Variants in PCDH9 observed in about 807,000 individuals in gnomAD.
PCDH9 encodes the protein protocadherin 9.
In PCDH9, 24 loss-of-function variants were observed where a neutral mutation model predicts 70.6. That is an observed-to-expected ratio of 0.34 (90% CI 0.25 to 0.48). The LOEUF (loss-of-function observed/expected upper bound fraction) is 0.48. Among genes scored for constraint, PCDH9 ranks in the 20% least tolerant of loss-of-function variants. The probability of loss-of-function intolerance (pLI) is 0.99; values close to 1 mark genes in which losing one functional copy is unlikely to be tolerated. For missense variants in PCDH9, 1,281 were observed against 1,503.6 expected (o/e 0.85, Z 2.45); for synonymous variants, 562 against 558.5 (o/e 1.01, Z -0.09).
chr13:66,491,390 T>TGTGG (rs1959030535), intron 4 of PCDH9, among the ~76,000 whole-genome samples: 1 of 149,896 alleles, frequency 6.7e-6, no homozygotes, highest in Non-Finnish European at 1.5e-5. Flanking sequence ...AGATATTGTG[T>TGTGG]GTGTGTGTGT....
intron 3 of PCDH9, among the ~76,000 whole-genome samples, chr13:66,700,933 T>TAC (rs1390563564): frequency 4.6e-5 from 4 of 86,404 alleles, no homozygotes; most frequent in African/African-American, 2.0e-4. Flanking sequence ...AATATATATA[T>TAC]ATATATATAT....
chr13:66,362,902 C>T (rs1464085693), intron 4 of PCDH9, among the ~76,000 whole-genome samples: 2 of 152,096 alleles, frequency 1.3e-5, no homozygotes, highest in Non-Finnish European at 2.9e-5. Context: ...AAACACAGGC[C>T]AGGCACGGTG....
At chr13:66,947,584 G>A (rs1042355123) in intron 2 of PCDH9, among the ~76,000 whole-genome samples, 1 of 152,236 alleles carries the variant, frequency 6.6e-6, no homozygotes, top group African/African-American at 2.4e-5. Context: ...AGATGGGGGT[G>A]TGGGTAGAAA....
At chr13:66,443,432 C>A (rs532265936) in intron 4 of PCDH9, among the ~76,000 whole-genome samples, 11 of 152,122 alleles carry the variant, frequency 7.2e-5, no homozygotes, top group African/African-American at 2.6e-4. Flanking sequence ...TAAATTGTTT[C>A]TATGTTACTG....
chr13:66,437,834 A>C (rs1447967711), intron 4 of PCDH9, among the ~76,000 whole-genome samples: 1 of 152,194 alleles, frequency 6.6e-6, no homozygotes, highest in African/African-American at 2.4e-5. Context: ...GTTGACTAAA[A>C]GACATGTACT....
At chr13:66,434,443 G>A (rs543643735) in intron 4 of PCDH9, among the ~76,000 whole-genome samples, 28 of 152,064 alleles carry the variant, frequency 1.8e-4, no homozygotes, top group Non-Finnish European at 2.9e-4. Context: ...TACATATCAC[G>A]TATTCATTTG....
intron 3 of PCDH9, among the ~76,000 whole-genome samples, chr13:66,765,761 C>T (rs966444253): frequency 2.6e-5 from 4 of 152,026 alleles, no homozygotes; most frequent in African/African-American, 9.7e-5. Flanking sequence ...TTTACTTTCA[C>T]TCAGATATGT....
At chr13:67,050,963 A>G (rs556212866) in intron 2 of PCDH9, among the ~76,000 whole-genome samples, 1 of 152,346 alleles carries the variant, frequency 6.6e-6, no homozygotes, top group East Asian at 1.9e-4. Flanking sequence ...AATAAAAAAT[A>G]CAACTAAAAG....
chr13:67,217,157 A>G (rs1442913306), intron 2 of PCDH9: 1 of 152,068 alleles, frequency 6.6e-6, no homozygotes, highest in Non-Finnish European at 1.5e-5. Context: ...GAAAATGTCT[A>G]CTATAGAACT....
intron 2 of PCDH9, among the ~76,000 whole-genome samples, chr13:66,938,295 A>G (rs1358154801): frequency 6.6e-6 from 1 of 152,258 alleles, no homozygotes; most frequent in Non-Finnish European, 1.5e-5. Context: ...AATTTAATAG[A>G]ATAATTTCCT....
intron 2 of PCDH9, chr13:66,985,871 T>A (rs1198934134): frequency 6.6e-6 from 1 of 152,076 alleles, no homozygotes; most frequent in East Asian, 1.9e-4. Context: ...GAAAAAAATG[T>A]GCAGAAAAAT....
At position 67,091,787 on chromosome 13, in the gene PCDH9, G is replaced by A. The variant is rs1594499268; in HGVS notation, c.3036+133618C>T. On this transcript the variant is annotated intron_variant, in intron 2 of 4. Transcript: ENST00000377865. ...GTAATTTACTGTTAATAGTTCCTCG[G>A]TCATGTCATAGACACTTACAATTTC... 3.3e-5 allele frequency among the ~76,000 whole-genome samples: 5 copies of A among 152,140 alleles called. No individual in the cohort carries two copies. The South Asian group carries it at 1.0e-3, about 32-fold the overall frequency.
At chr13:66,761,653 G>A (rs2079629529) in intron 3 of PCDH9, among the ~76,000 whole-genome samples, 1 of 151,856 alleles carries the variant, frequency 6.6e-6, no homozygotes, top group African/African-American at 2.4e-5. Context: ...TTCATTCCAA[G>A]TATTGTATTT....
chr13:66,549,009 TA>T (rs1961345506), intron 4 of PCDH9, among the ~76,000 whole-genome samples: 1 of 152,122 alleles, frequency 6.6e-6, no homozygotes, highest in Admixed American at 6.5e-5. Context: ...AGGAAAACCA[TA>T]CCACCATAAG....
chr13:66,958,687 C>A (rs2139719469), intron 2 of PCDH9, among the ~76,000 whole-genome samples: 1 of 151,844 alleles, frequency 6.6e-6, no homozygotes, highest in Middle Eastern at 3.4e-3. Context: ...TTATTTTTTT[C>A]ATGAAATGAG....
At chr13:67,059,349 T>C (rs2085487041) in intron 2 of PCDH9, among the ~76,000 whole-genome samples, 2 of 130,840 alleles carry the variant, frequency 1.5e-5, no homozygotes, top group Non-Finnish European at 1.6e-5. Context: ...AATATATATA[T>C]ATATTATATA....
chr13:67,035,814 C>A (rs936654948), intron 2 of PCDH9, among the ~76,000 whole-genome samples: 6 of 152,036 alleles, frequency 3.9e-5, no homozygotes, highest in African/African-American at 9.7e-5. Flanking sequence ...GATGAGAATT[C>A]ATCTTTACAA....
At chr13:66,554,007 G>C (rs1379283869) in intron 4 of PCDH9, among the ~76,000 whole-genome samples, 1 of 151,906 alleles carries the variant, frequency 6.6e-6, no homozygotes, top group Non-Finnish European at 1.5e-5. Flanking sequence ...GTTCTAAATT[G>C]CTCCTTATAT....
At chr13:66,681,016 T>G (rs772974165) in intron 3 of PCDH9, among the ~76,000 whole-genome samples, 11 of 152,162 alleles carry the variant, frequency 7.2e-5, no homozygotes, top group Admixed American at 2.0e-4. Flanking sequence ...ATAACTACCC[T>G]TATTCAAATT....
Sources: allele counts gnomAD v4.1 joint callset (sites outside exome capture counted in the v4.1 genomes callset), GRCh38; gene constraint gnomAD v4.1.1; transcripts MANE v1.5; gene names NCBI Gene and HGNC (gene_info 2026-07-23, HGNC 2026-07-21).